The following PCDHGA5 variants were observed in gnomAD, a reference collection of about 807,000 sequenced individuals.
PCDHGA5 encodes protocadherin gamma-A5.
PCDHGA5 carries 36 observed loss-of-function variants against 56.7 expected under a neutral mutation model. The observed-to-expected ratio is 0.64, with a 90% CI of 0.49 to 0.84. The LOEUF (loss-of-function observed/expected upper bound fraction) is 0.84, where lower values mean the gene tolerates loss of function less well. PCDHGA5 is among the 40% of genes least tolerant of loss of function. The pLI is 0.00. For missense variants in PCDHGA5, 1,305 were observed against 1,201.5 expected (o/e 1.09, Z -1.27); for synonymous variants, 563 against 520.2 (o/e 1.08, Z -1.12).
chr5:141,505,558 C>A (rs945428797), intron 3 of PCDHGA5, 77 bp downstream of exon 3: 1 of 1,605,016 alleles, frequency 6.2e-7, no homozygotes, highest in African/African-American at 1.3e-5. Context: ...ACCATGCCCA[C>A]GGACTGGATG....
intron 1 of PCDHGA5, chr5:141,379,317 C>T (rs914765409): frequency 1.3e-5 from 2 of 152,162 alleles, no homozygotes; most frequent in East Asian, 1.9e-4. Context: ...AACAAGAGAT[C>T]TAATCATACA....
At chr5:141,382,392 C>T (rs1778169191) in intron 1 of PCDHGA5, among the ~76,000 whole-genome samples, 1 of 152,092 alleles carries the variant, frequency 6.6e-6, no homozygotes, top group Non-Finnish European at 1.5e-5. Context: ...AACTGATTTT[C>T]CCATGTGCAA....
At chr5:141,503,023 A>T (rs1163676028) in intron 2 of PCDHGA5, among the ~76,000 whole-genome samples, 1 of 141,884 alleles carries the variant, frequency 7.0e-6, no homozygotes, top group African/African-American at 2.6e-5. Context: ...TTTTTTTTTT[A>T]ATATCTATTT....
At chr5:141,414,336 C>T (rs567878158) in intron 1 of PCDHGA5, 3 of 1,613,846 alleles carry the variant, frequency 1.9e-6, no homozygotes, top group East Asian at 2.2e-5. Flanking sequence ...GACAGGTAAC[C>T]TGTTCCATTT....
chr5:141,472,980 C>CAAAAAAAAAAA (rs60579131), intron 1 of PCDHGA5, among the ~76,000 whole-genome samples: 11 of 86,030 alleles, frequency 1.3e-4, no homozygotes, highest in Non-Finnish European at 1.3e-4. Flanking sequence ...GAGTGAAACT[C>CAAAAAAAAAAA]AAAAAAAAAA....
intron 2 of PCDHGA5, among the ~76,000 whole-genome samples, chr5:141,498,792 G>A (rs1217057199): frequency 2.6e-5 from 4 of 152,086 alleles, no homozygotes; most frequent in Admixed American, 2.6e-4. Context: ...TATTAGCCAG[G>A]TGTGGTGGTG....
intron 1 of PCDHGA5, chr5:141,382,939 T>G: frequency 6.3e-7 from 1 of 1,594,910 alleles, no homozygotes; most frequent in Non-Finnish European, 8.6e-7. Context: ...CAGAGGATTC[T>G]TCCTGCTCTC....
At chr5:141,371,107 ACC>A in intron 1 of PCDHGA5, 1 of 1,613,650 alleles carries the variant, frequency 6.2e-7, no homozygotes, top group Non-Finnish European at 8.5e-7. Context: ...GCAAATGATA[ACC>A]CCCCAGTATT....
intron 1 of PCDHGA5, chr5:141,377,100 C>G (rs941685328): frequency 6.6e-6 from 1 of 152,186 alleles, no homozygotes; most frequent in East Asian, 1.9e-4. Context: ...TCTTTTATAT[C>G]AAAAGAATGT....
At chr5:141,395,297 T>C in intron 1 of PCDHGA5, 1 of 1,523,916 alleles carries the variant, frequency 6.6e-7, no homozygotes, top group Non-Finnish European at 8.8e-7. Context: ...GCATAAATTA[T>C]GTTTTGAAAA....
At chr5:141,399,598 G>A in intron 1 of PCDHGA5, 1 of 1,613,964 alleles carries the variant, frequency 6.2e-7, no homozygotes, top group Non-Finnish European at 8.5e-7. Context: ...CATGGCCAGC[G>A]ACCTAGAGCC....
Position 141,489,515 on chromosome 5 carries a change from G to C in PCDHGA5, c.2422-5292G>C, listed in dbSNP as rs983415025. On this transcript the variant is annotated intron_variant, in intron 1 of 3. Coordinates refer to ENST00000518069, the MANE Select transcript of PCDHGA5 (RefSeq NM_018918.3). The surrounding 1 kb of genome is among the most constrained non-coding windows in gnomAD (Gnocchi z 4.5). ...CTGGCAGTGAATCAAAAGATTGACC[G>C]AGAAAGCCTATGTGGAGCCAGCACC... 1 of 1,614,104 alleles carries C rather than the reference G, an allele frequency of 6.2e-7. No individual in the cohort carries two copies. The highest frequency in any genetic ancestry group is 8.5e-7 in the Non-Finnish European group (1 of 1,180,034).
intron 1 of PCDHGA5, chr5:141,385,074 G>T: frequency 1.2e-6 from 2 of 1,614,192 alleles, no homozygotes; most frequent in African/African-American, 1.3e-5. Context: ...CACGCCTGCT[G>T]CAGGCTTCAG....
chr5:141,444,341 T>C (rs909401337), intron 1 of PCDHGA5, among the ~76,000 whole-genome samples: 2 of 151,892 alleles, frequency 1.3e-5, no homozygotes, highest in African/African-American at 4.8e-5. Context: ...CCAGCTAATT[T>C]TGTATTTTTA....
In PCDHGA5 at chr5:141,365,601, T is replaced by TCATGGAC; in HGVS notation, c.1278_1284dup (p.Thr429ProfsTer20). On this transcript the variant is annotated frameshift_variant, in exon 1 of 4. Coordinates refer to ENST00000518069, the MANE Select transcript of PCDHGA5 (RefSeq NM_018918.3). LOFTEE classifies it high-confidence loss of function. ...TCAGATTATAATATCACTTTAACCG[T>TCATGGAC]CATGGACCATGGAACCCCGCCCCTC... 4 of 1,613,644 alleles carry TCATGGAC rather than the reference T, an allele frequency of 2.5e-6. No individual in the cohort carries two copies. Among genetic ancestry groups the TCATGGAC allele is most frequent in the Non-Finnish European group, 3.4e-6 (4 of 1,179,880 alleles).
intron 2 of PCDHGA5, among the ~76,000 whole-genome samples, chr5:141,503,596 C>T (rs1267014587): frequency 7.7e-6 from 1 of 129,694 alleles, no homozygotes; most frequent in African/African-American, 3.3e-5. Context: ...GAGACTCCAG[C>T]TCAAAAAAAA....
rs1186225096 is a variant in PCDHGA5, at chr5:141,490,605, C to G, written c.2422-4202C>G. The G allele has an allele frequency of 1.1e-5, 18 of 1,614,198 alleles. No homozygotes were observed. Among genetic ancestry groups the G allele is most frequent in the Non-Finnish European group, 1.5e-5 (18 of 1,180,030 alleles). On this transcript the variant is annotated intron_variant, in intron 1 of 3. Transcript: ENST00000518069. The surrounding 1 kb of genome is among the most constrained non-coding windows in gnomAD (Gnocchi z 5.4). ...TCAATGACAATGCACCCCGCTTCAACCAGCAGCTTTACACTGCTTACATCC... is the reference window on the plus strand; with the variant it reads ...TCAATGACAATGCACCCCGCTTCAAGCAGCAGCTTTACACTGCTTACATCC...
In PCDHGA5 at chr5:141,489,684, T is replaced by C. The variant is rs2099690710; in HGVS notation, c.2422-5123T>C. 1.2e-6 allele frequency: 2 copies of C among 1,614,062 alleles called. No individual in the cohort carries two copies. The highest frequency in any genetic ancestry group is 8.5e-7 in the Non-Finnish European group (1 of 1,180,034). On this transcript the variant is annotated intron_variant, in intron 1 of 3. Coordinates refer to ENST00000518069, the MANE Select transcript of PCDHGA5 (RefSeq NM_018918.3). This position sits in a 1 kb window ranked among gnomAD's most constrained non-coding sequence, Gnocchi z 4.5. ...TGCGCATCTCAGAATCAGCAGCATCTGGGGCACGATTCCCACTGGACAGTG... is the reference window on the plus strand; with the variant it reads ...TGCGCATCTCAGAATCAGCAGCATCCGGGGCACGATTCCCACTGGACAGTG...
chr5:141,372,531 C>T (rs767186429), intron 1 of PCDHGA5: 1 of 1,614,032 alleles, frequency 6.2e-7, no homozygotes, highest in South Asian at 1.1e-5. Context: ...GGCAATCTCC[C>T]TGCGCCTGCG....
Sources: allele counts gnomAD v4.1 joint callset (sites outside exome capture counted in the v4.1 genomes callset), GRCh38; gene constraint gnomAD v4.1.1; non-coding constraint Gnocchi (gnomAD v3.1); transcripts MANE v1.5; gene names NCBI Gene and HGNC (gene_info 2026-07-23, HGNC 2026-07-21).